Variants in HS6ST2 observed in about 807,000 individuals in gnomAD.
The protein encoded by HS6ST2 is heparan-sulfate 6-O-sulfotransferase 2.
HS6ST2 carries 17 observed loss-of-function variants against 33.0 expected under a neutral mutation model. That is an observed-to-expected ratio of 0.52 (90% confidence interval 0.35 to 0.77). HS6ST2 has a LOEUF of 0.77. HS6ST2 is among the 30% of genes least tolerant of loss of function. The pLI is 0.01. For missense variants in HS6ST2, 519 were observed against 551.7 expected (o/e 0.94, Z 0.59); for synonymous variants, 248 against 237.1 (o/e 1.05, Z -0.42).
At chrX:132,806,865 A>G (rs1295062716) in intron 2 of HS6ST2, among the ~76,000 whole-genome samples, 4 of 109,692 alleles carry the variant, frequency 3.6e-5, no homozygotes, top group Non-Finnish European at 7.7e-5. Flanking sequence ...TAAGTAAATT[A>G]TCATAATTAT....
At chrX:132,637,248 C>T (rs1410323035) in intron 4 of HS6ST2, among the ~76,000 whole-genome samples, 1 of 111,975 alleles carries the variant, frequency 8.9e-6, no homozygotes, top group Non-Finnish European at 1.9e-5. Context: ...TTTTGGGAAG[C>T]CCATCCAGAA....
chrX:132,918,414 A>T (rs1252731967), intron 2 of HS6ST2, among the ~76,000 whole-genome samples: 2 of 112,285 alleles, frequency 1.8e-5, no homozygotes, highest in Non-Finnish European at 3.8e-5. Context: ...GATGGCATAG[A>T]CCTTGAGAGG....
At chrX:132,833,171 T>C (rs978403424) in intron 2 of HS6ST2, among the ~76,000 whole-genome samples, 10 of 112,082 alleles carry the variant, frequency 8.9e-5, no homozygotes, top group Non-Finnish European at 9.4e-5. Flanking sequence ...CAAGTAGATT[T>C]ACGTTAATAT....
chrX:132,846,064 C>T (rs751654056), intron 2 of HS6ST2, among the ~76,000 whole-genome samples: 17 of 111,587 alleles, frequency 1.5e-4, no homozygotes, highest in Non-Finnish European at 2.8e-4. Flanking sequence ...CTGATGACCC[C>T]GCCATAAGGA....
chrX:132,794,055 C>A (rs987895959), intron 2 of HS6ST2, among the ~76,000 whole-genome samples: 2 of 112,866 alleles, frequency 1.8e-5, no homozygotes, highest in African/African-American at 6.4e-5. Flanking sequence ...TGCGTGCATA[C>A]GCTGTGAGTA....
chrX:132,688,735 A>G (rs2064038968), intron 3 of HS6ST2, among the ~76,000 whole-genome samples: 1 of 111,943 alleles, frequency 8.9e-6, no homozygotes, highest in Non-Finnish European at 1.9e-5. Context: ...GGGTGGGGAC[A>G]CAGCCAAACC....
chrX:132,705,141 T>C (rs890378930), intron 3 of HS6ST2, among the ~76,000 whole-genome samples: 5 of 109,688 alleles, frequency 4.6e-5, no homozygotes, highest in South Asian at 4.0e-4. Context: ...ACCTTGGGAA[T>C]TGCTCTATTT....
chrX:132,784,780 G>A (rs930991386), intron 2 of HS6ST2, among the ~76,000 whole-genome samples: 2 of 111,861 alleles, frequency 1.8e-5, no homozygotes, highest in Admixed American at 9.5e-5. Flanking sequence ...TCATTTGGTC[G>A]GGCTGGCACC....
chrX:132,789,847 G>A (rs1010190831), intron 2 of HS6ST2, among the ~76,000 whole-genome samples: 1 of 111,756 alleles, frequency 8.9e-6, no homozygotes, highest in African/African-American at 3.3e-5. Flanking sequence ...ATTAGAGGAG[G>A]AGCAAGATGT....
At chrX:132,665,490 C>T (rs243455) in intron 4 of HS6ST2, among the ~76,000 whole-genome samples, 14,213 of 110,970 alleles carry the variant, frequency 0.13, 738 homozygotes, top group African/African-American at 0.16. Flanking sequence ...TGAAAATGTT[C>T]CAATACCAAA....
chrX:132,705,395 T>C (rs1443053152), intron 3 of HS6ST2, among the ~76,000 whole-genome samples: 1 of 111,480 alleles, frequency 9.0e-6, no homozygotes, highest in African/African-American at 3.3e-5. Context: ...TGGTCACAGG[T>C]AACCTTTGGG....
intron 3 of HS6ST2, chrX:132,669,531 C>T: frequency 6.6e-6 from 1 of 152,219 alleles, no homozygotes; most frequent in Non-Finnish European, 1.3e-5. Flanking sequence ...ATAAAAATAA[C>T]TAGTCTTTAA....
intron 2 of HS6ST2, among the ~76,000 whole-genome samples, chrX:132,904,859 T>C (rs1230041621): frequency 2.7e-5 from 3 of 110,405 alleles, no homozygotes; most frequent in African/African-American, 9.9e-5. Context: ...TTGTACCAGC[T>C]TACACTCACA....
intron 2 of HS6ST2, among the ~76,000 whole-genome samples, chrX:132,724,739 T>C (rs144867827): frequency 1.5e-3 from 163 of 112,182 alleles, no homozygotes; most frequent in African/African-American, 4.9e-3. Context: ...GGAATCACAC[T>C]ACTTGATTTC....
chrX:132,817,473 A>G (rs767884237), intron 2 of HS6ST2, among the ~76,000 whole-genome samples: 1 of 111,190 alleles, frequency 9.0e-6, no homozygotes, highest in Non-Finnish European at 1.9e-5. Context: ...GATTGAAAGT[A>G]AAATGCCTAT....
intron 3 of HS6ST2, among the ~76,000 whole-genome samples, chrX:132,706,143 T>C (rs1406489354): frequency 9.0e-6 from 1 of 110,934 alleles, no homozygotes; most frequent in Non-Finnish European, 1.9e-5. Flanking sequence ...ATCATACTCA[T>C]CTGAAAAAGG....
intron 4 of HS6ST2, among the ~76,000 whole-genome samples, chrX:132,668,665 A>G (rs1335504818): frequency 1.8e-5 from 2 of 112,068 alleles, no homozygotes; most frequent in East Asian, 2.8e-4. Context: ...ATGTACTTAA[A>G]CCAGGAAATT....
rs763864502 is a variant in HS6ST2, at chrX:132,748,332, C to T, written c.948-39838G>A. Among the ~76,000 whole-genome samples, 6 of 112,194 alleles carry T rather than the reference C, an allele frequency of 5.3e-5. No individual in the cohort carries two copies. In the South Asian group the frequency reaches 2.2e-3, roughly 42 times the overall value. On this transcript the variant is annotated intron_variant, in intron 2 of 4. Coordinates refer to ENST00000370833, the MANE Select transcript of HS6ST2 (RefSeq NM_001394073.1). ...TGGTGATACTCAGGAGGTCATTAGGCGTTTGCCTCTTGTTAAGCCTCACTC... is the reference window on the plus strand; with the variant it reads ...TGGTGATACTCAGGAGGTCATTAGGTGTTTGCCTCTTGTTAAGCCTCACTC...
chrX:132,785,055 A>T (rs1310979324), intron 2 of HS6ST2, among the ~76,000 whole-genome samples: 1 of 112,066 alleles, frequency 8.9e-6, no homozygotes, highest in African/African-American at 3.2e-5. Flanking sequence ...GAAACACAAC[A>T]GTGACTGAAA....
Sources: gnomAD v4.1 joint callset for allele counts (sites outside exome capture counted in the v4.1 genomes callset) on GRCh38, gnomAD v4.1.1 for gene constraint, MANE v1.5 for transcripts, NCBI Gene and HGNC (gene_info 2026-07-23, HGNC 2026-07-21) for gene names.